The following COG5 variants were observed in gnomAD, a reference collection of about 807,000 sequenced individuals.
COG5 encodes the protein component of oligomeric golgi complex 5.
A neutral mutation model predicts 110.4 loss-of-function variants in COG5; 86 were observed. The observed-to-expected ratio is 0.78, with a 90% CI of 0.65 to 0.93. COG5 has a LOEUF of 0.93. Among genes scored for constraint, COG5 ranks in the 40% least tolerant of loss-of-function variants. The pLI is 0.00. For missense variants in COG5, 1,077 were observed against 987.0 expected (o/e 1.09, Z -1.22); for synonymous variants, 360 against 334.6 (o/e 1.08, Z -0.83).
At chr7:107,362,995 A>G (rs1186949713) in intron 8 of COG5, among the ~76,000 whole-genome samples, 1 of 152,186 alleles carries the variant, frequency 6.6e-6, no homozygotes, top group Non-Finnish European at 1.5e-5. Context: ...ACAAAGAAAT[A>G]CTGAACTTTA....
chr7:107,328,737 AG>A (rs1178494903), intron 10 of COG5, among the ~76,000 whole-genome samples: 3 of 152,220 alleles, frequency 2.0e-5, no homozygotes, highest in Admixed American at 1.3e-4. Context: ...AAATTTCACT[AG>A]TTAAAACAAT....
intron 1 of COG5, among the ~76,000 whole-genome samples, chr7:107,560,589 G>C (rs1211704965): frequency 6.6e-6 from 1 of 152,014 alleles, no homozygotes; most frequent in Non-Finnish European, 1.5e-5. Context: ...ATTTACAAGG[G>C]GAACAAGCAC....
chr7:107,408,260 A>G (rs1199453128), intron 7 of COG5, among the ~76,000 whole-genome samples: 2 of 152,234 alleles, frequency 1.3e-5, no homozygotes, highest in Non-Finnish European at 2.9e-5. Context: ...GTTATAACTG[A>G]AACTAAATGG....
At chr7:107,436,079 T>C (rs1053060286) in intron 6 of COG5, among the ~76,000 whole-genome samples, 1 of 152,090 alleles carries the variant, frequency 6.6e-6, no homozygotes, top group Non-Finnish European at 1.5e-5. Flanking sequence ...ATGTGGGAGC[T>C]AATTAAGTGG....
intron 3 of COG5, among the ~76,000 whole-genome samples, chr7:107,551,774 C>T (rs1160318836): frequency 5.3e-5 from 8 of 152,214 alleles, no homozygotes; most frequent in African/African-American, 1.9e-4. Flanking sequence ...TGCACCACCA[C>T]GCCAAGCTAA....
At chr7:107,337,039 A>G (rs1810761404) in intron 10 of COG5, among the ~76,000 whole-genome samples, 1 of 152,252 alleles carries the variant, frequency 6.6e-6, no homozygotes, top group Non-Finnish European at 1.5e-5. Flanking sequence ...CAAGAGGTAC[A>G]TTAAAAAATT....
intron 11 of COG5, among the ~76,000 whole-genome samples, chr7:107,309,770 T>C (rs116877024): frequency 1.7e-4 from 26 of 152,324 alleles, no homozygotes; most frequent in Admixed American, 1.0e-3. Context: ...TTCATTTTCA[T>C]TTTGTTTTAT....
At chr7:107,339,674 T>G (rs1050193735) in intron 10 of COG5, among the ~76,000 whole-genome samples, 1 of 152,064 alleles carries the variant, frequency 6.6e-6, no homozygotes, top group African/African-American at 2.4e-5. Context: ...ATCATAATCT[T>G]GGACCACAGT....
At chr7:107,516,962 G>A (rs895850338) in intron 6 of COG5, among the ~76,000 whole-genome samples, 8 of 152,082 alleles carry the variant, frequency 5.3e-5, no homozygotes, top group African/African-American at 1.4e-4. Flanking sequence ...CCAAATGATC[G>A]CAACAGCTCT....
At chr7:107,526,126 C>T (rs1441664618) in intron 6 of COG5, among the ~76,000 whole-genome samples, 4 of 152,162 alleles carry the variant, frequency 2.6e-5, no homozygotes, top group East Asian at 1.9e-4. Context: ...ATGTAATGTA[C>T]ATTTCTCTGA....
chr7:107,405,737 G>C (rs556733561), intron 7 of COG5, among the ~76,000 whole-genome samples: 13 of 152,230 alleles, frequency 8.5e-5, no homozygotes, highest in Admixed American at 5.9e-4. Context: ...TTCATATGAT[G>C]AAATCCTAAC....
intron 14 of COG5, among the ~76,000 whole-genome samples, chr7:107,259,409 C>CA (rs1436400067): frequency 6.6e-6 from 1 of 152,084 alleles, no homozygotes; most frequent in East Asian, 1.9e-4. Flanking sequence ...GAAGAGCCCA[C>CA]AAAATCCAAC....
At chr7:107,459,799 G>GGAA (rs1554442572) in intron 6 of COG5, among the ~76,000 whole-genome samples, 22 of 145,176 alleles carry the variant, frequency 1.5e-4, no homozygotes, top group African/African-American at 5.6e-4. Context: ...CTGGCTCAGG[G>GGAA]AAAAAAAAAA....
At chr7:107,219,060 T>C (rs1275068482) in intron 19 of COG5, among the ~76,000 whole-genome samples, 1 of 151,930 alleles carries the variant, frequency 6.6e-6, no homozygotes, top group Non-Finnish European at 1.5e-5. Flanking sequence ...TCAAAAAAAG[T>C]CATATAAATG....
At chr7:107,428,339 G>A (rs1793789250) in intron 6 of COG5, among the ~76,000 whole-genome samples, 2 of 152,058 alleles carry the variant, frequency 1.3e-5, no homozygotes, top group African/African-American at 4.8e-5. Flanking sequence ...TCCAATGACT[G>A]GTGCCCCTAA....
At position 107,474,363 on chromosome 7, in the gene COG5, T is replaced by C; in HGVS notation, c.538+52874A>G. 6.2e-7 allele frequency: 1 copy of C among 1,612,710 alleles called. No individual in the cohort carries two copies. Among genetic ancestry groups the C allele is most frequent in the Non-Finnish European group, 8.5e-7 (1 of 1,178,890 alleles). The stretch of plus-strand genomic sequence containing the variant: ...TGGGATGTATTCCTCTAACTATAGT[T>C]ATCCTTCTGCTTTCACTGGAGAGTA... On this transcript the variant is annotated intron_variant, in intron 6 of 21. Transcript: ENST00000297135. This position sits in a 1 kb window ranked among gnomAD's most constrained non-coding sequence, Gnocchi z 5.7.
At chr7:107,281,850 T>C (rs1039988495) in intron 13 of COG5, among the ~76,000 whole-genome samples, 5 of 152,178 alleles carry the variant, frequency 3.3e-5, no homozygotes, top group Admixed American at 2.6e-4. Context: ...GTAGAAATTA[T>C]GCCAATTCAT....
chr7:107,535,141 AC>A, intron 5 of COG5, among the ~76,000 whole-genome samples: 1 of 151,758 alleles, frequency 6.6e-6, no homozygotes, highest in South Asian at 2.1e-4. Flanking sequence ...GACACAACAT[AC>A]CAGAATCTCT....
At chr7:107,442,830 C>G (rs1224505391) in intron 6 of COG5, among the ~76,000 whole-genome samples, 1 of 151,926 alleles carries the variant, frequency 6.6e-6, no homozygotes, top group Non-Finnish European at 1.5e-5. Context: ...AAAGAAAGAA[C>G]AAAATTTAGA....
Sources: gnomAD v4.1 joint callset for allele counts (sites outside exome capture counted in the v4.1 genomes callset) on GRCh38, gnomAD v4.1.1 for gene constraint, Gnocchi (gnomAD v3.1) non-coding constraint, MANE v1.5 for transcripts, NCBI Gene and HGNC (gene_info 2026-07-23, HGNC 2026-07-21) for gene names.